Variants in CUX1 observed in about 807,000 individuals in gnomAD.
CUX1 encodes cut like homeobox 1, also known as protein CASP.
CUX1 carries 31 observed loss-of-function variants against 158.8 expected under a neutral mutation model. That is an observed-to-expected ratio of 0.20 (90% confidence interval 0.15 to 0.26). CUX1 has a LOEUF of 0.26. CUX1 is among the 10% of genes least tolerant of loss of function. The probability of loss-of-function intolerance (pLI) is 1.00; values close to 1 mark genes in which losing one functional copy is unlikely to be tolerated. For missense variants in CUX1, 1,589 were observed against 2,014.6 expected, an observed-to-expected ratio of 0.79 and a Z score of 4.04; for synonymous variants, 879 against 862.1, an observed-to-expected ratio of 1.02 and a Z score of -0.34.
chr7:101,985,665 C>T (rs1814204545), intron 2 of CUX1, among the ~76,000 whole-genome samples: 1 of 152,212 alleles, frequency 6.6e-6, no homozygotes. Context: ...TCAGTTTCCT[C>T]ATCTGTAAAA....
At chr7:101,948,640 A>G (rs938227893) in intron 2 of CUX1, among the ~76,000 whole-genome samples, 1 of 152,166 alleles carries the variant, frequency 6.6e-6, no homozygotes, top group Non-Finnish European at 1.5e-5. Context: ...TAAGAGCCAA[A>G]TTAGCCAGGG....
intron 8 of CUX1, among the ~76,000 whole-genome samples, chr7:102,139,276 A>C: frequency 6.7e-6 from 1 of 149,038 alleles, no homozygotes; most frequent in African/African-American, 2.5e-5. Context: ...AAGGAATGGT[A>C]TCAACTCGAC....
chr7:102,176,806 C>T (rs1171318161), intron 10 of CUX1, among the ~76,000 whole-genome samples: 4 of 151,716 alleles, frequency 2.6e-5, no homozygotes, highest in South Asian at 2.1e-4. Flanking sequence ...CTCTTGAGCT[C>T]GGGTGATCCA....
chr7:102,109,419 A>G (rs1471491381), intron 6 of CUX1, among the ~76,000 whole-genome samples: 1 of 152,230 alleles, frequency 6.6e-6, no homozygotes, highest in Non-Finnish European at 1.5e-5. Flanking sequence ...ACGAAAACAC[A>G]CTTACATATT....
At chr7:102,142,259 C>T (rs573994729) in intron 8 of CUX1, among the ~76,000 whole-genome samples, 38 of 152,164 alleles carry the variant, frequency 2.5e-4, no homozygotes, top group Admixed American at 1.9e-3. Context: ...GAGGTACAGG[C>T]GGGATGCTCA....
At chr7:102,063,925 G>GAC in intron 3 of CUX1, among the ~76,000 whole-genome samples, 1 of 152,310 alleles carries the variant, frequency 6.6e-6, no homozygotes, top group African/African-American at 2.4e-5. Flanking sequence ...AGAACTCCAG[G>GAC]ACAGCCCCAG....
chr7:102,256,503 C>CT lies in CUX1; in HGVS notation c.*7462dup, dbSNP rs1789910755. ...AGAACCAAGGCGTCTGGGGGATTGA[C>CT]TGGGGGGCAGAGGGGGTTTCCCCAG... is the stretch of plus-strand genomic sequence containing the variant. On this transcript the variant is annotated 3_prime_UTR_variant, in exon 24 of 24. Transcript: ENST00000292535. 8 of 985,426 alleles carry CT rather than the reference C, an allele frequency of 8.1e-6. No individual in the cohort carries two copies. Among genetic ancestry groups the CT allele is most frequent in the Non-Finnish European group, 9.6e-6 (8 of 829,926 alleles). 61.0% of individuals were successfully genotyped at this position (985,426 alleles called of 1,614,324 possible).
chr7:102,077,601 CA>C (rs1554477110), intron 4 of CUX1, among the ~76,000 whole-genome samples: 1 of 147,748 alleles, frequency 6.8e-6, no homozygotes, highest in African/African-American at 2.5e-5. Context: ...ACCAGCCTGG[CA>C]ACATAGCAAG....
Position 102,250,696 on chromosome 7 carries a change from C to CT in CUX1, c.*1655dup, listed in dbSNP as rs1434977664. ...TTTTTATGCACAGTTTTAGGGCAGT[C>CT]TAAGTACAAACTGAAAGTCTAACTT... On this transcript the variant is annotated 3_prime_UTR_variant, in exon 24 of 24. Coordinates refer to ENST00000292535, the MANE Select transcript of CUX1 (RefSeq NM_181552.4). 2 of 985,276 alleles carry CT rather than the reference C, an allele frequency of 2.0e-6. No individual in the cohort carries two copies. The highest frequency in any genetic ancestry group is 2.4e-6 in the Non-Finnish European group (2 of 829,948). 61.0% of individuals were successfully genotyped at this position (985,276 alleles called of 1,614,324 possible).
At chr7:102,143,408 A>G (rs1834672867) in intron 8 of CUX1, among the ~76,000 whole-genome samples, 1 of 152,104 alleles carries the variant, frequency 6.6e-6, no homozygotes, top group South Asian at 2.1e-4. Flanking sequence ...AGCTGGGACC[A>G]CAAGTGCATA....
chr7:102,134,638 C>G (rs1232875312), intron 8 of CUX1, among the ~76,000 whole-genome samples: 3 of 152,190 alleles, frequency 2.0e-5, no homozygotes, highest in African/African-American at 4.8e-5. Flanking sequence ...AGCTCTGTTG[C>G]CCAGACTGGA....
In CUX1 at chr7:102,257,290, C is replaced by T. The variant is rs1422762365; in HGVS notation, c.*8248C>T. On this transcript the variant is annotated 3_prime_UTR_variant, in exon 24 of 24. Transcript: ENST00000292535. ...AAACCCTCCACCGAAACAATGGTCCCCATCTCCCCAGAAGCCTTTTTTTTT... is the reference window on the plus strand; with the variant it reads ...AAACCCTCCACCGAAACAATGGTCCTCATCTCCCCAGAAGCCTTTTTTTTT... The T allele has an allele frequency of 1.0e-6, 1 of 984,734 alleles. No individual in the cohort carries two copies. Among genetic ancestry groups the T allele is most frequent in the Non-Finnish European group, 1.2e-6 (1 of 829,776 alleles). The allele number at this position is 984,734 out of a possible 1,614,324, so 61.0% of individuals were successfully genotyped here. A position where few individuals can be genotyped will look rare whatever the true frequency, so the allele number is the denominator to read the frequency against.
chr7:101,980,351 T>A (rs997763416), intron 2 of CUX1, among the ~76,000 whole-genome samples: 4 of 151,784 alleles, frequency 2.6e-5, no homozygotes, highest in Admixed American at 6.6e-5. Context: ...CCAAAAAAAA[T>A]GTTTAAAAAG....
chr7:101,858,809 A>G (rs1797150291), intron 1 of CUX1, among the ~76,000 whole-genome samples: 1 of 151,698 alleles, frequency 6.6e-6, no homozygotes, highest in African/African-American at 2.4e-5. Flanking sequence ...GGGATTACAC[A>G]CACTCGCTAC....
At chr7:101,973,638 C>T (rs1339448048) in intron 2 of CUX1, among the ~76,000 whole-genome samples, 2 of 152,164 alleles carry the variant, frequency 1.3e-5, no homozygotes, top group East Asian at 3.9e-4. Context: ...TAATAGCCCC[C>T]ACCTGGACCC....
intron 1 of CUX1, among the ~76,000 whole-genome samples, chr7:101,819,385 C>T (rs1190624351): frequency 6.6e-6 from 1 of 152,210 alleles, no homozygotes; most frequent in Non-Finnish European, 1.5e-5. Flanking sequence ...TGACTGCCTT[C>T]CCTTTGGGAC....
At chr7:101,978,468 G>GCTGTCAC (rs1812996381) in intron 2 of CUX1, among the ~76,000 whole-genome samples, 1 of 152,210 alleles carries the variant, frequency 6.6e-6, no homozygotes, top group Non-Finnish European at 1.5e-5. Flanking sequence ...CCAGCTACAC[G>GCTGTCAC]CTGTCACCTT....
chr7:102,193,634 G>C (rs1358993987), intron 12 of CUX1, among the ~76,000 whole-genome samples: 1 of 152,084 alleles, frequency 6.6e-6, no homozygotes, highest in African/African-American at 2.4e-5. Flanking sequence ...GTGAAACCCC[G>C]TCTCTACTAG....
rs189566836 is a variant in CUX1, at chr7:101,931,324, A to G, written c.141+15099A>G. ...GTGTGTGGAATGGGGTAAACCAGGA[A>G]GACTGTTGTGAGGGCTCAGTAACTT... is the stretch of plus-strand genomic sequence containing the variant. On this transcript the variant is annotated intron_variant, in intron 2 of 23. Transcript: ENST00000292535. 3.9e-5 allele frequency among the ~76,000 whole-genome samples: 6 copies of G among 152,302 alleles called. No individual in the cohort carries two copies. The East Asian group carries it at 1.2e-3, about 29-fold the overall frequency.
Sources: allele counts gnomAD v4.1 joint callset (sites outside exome capture counted in the v4.1 genomes callset), GRCh38; gene constraint gnomAD v4.1.1; transcripts MANE v1.5; gene names NCBI Gene and HGNC (gene_info 2026-07-23, HGNC 2026-07-21).